The following RTN4 variants were observed in gnomAD, a reference collection of about 807,000 sequenced individuals.
The protein encoded by RTN4 is reticulon-4.
A neutral mutation model predicts 90.4 loss-of-function variants in RTN4; 32 were observed. That is an observed-to-expected ratio of 0.35 (90% CI 0.27 to 0.48). The LOEUF (loss-of-function observed/expected upper bound fraction) is 0.48, where lower values mean the gene tolerates loss of function less well. Among genes scored for constraint, RTN4 ranks in the 20% least tolerant of loss-of-function variants. The probability of loss-of-function intolerance (pLI) is 0.99; values close to 1 mark genes in which losing one functional copy is unlikely to be tolerated. For missense variants in RTN4, 1,706 were observed against 1,430.2 expected, an observed-to-expected ratio of 1.19 and a Z score of -3.11; for synonymous variants, 629 against 552.5, an observed-to-expected ratio of 1.14 and a Z score of -1.94.
At chr2:55,072,280 A>T (rs1390139604) in intron 2 of RTN4, among the ~76,000 whole-genome samples, 1 of 150,790 alleles carries the variant, frequency 6.6e-6, no homozygotes, top group Non-Finnish European at 1.5e-5. Context: ...CCCAGGCTGG[A>T]GTGCAGTGGC....
In RTN4 at chr2:55,026,981, C is replaced by G. The variant is rs748411506; in HGVS notation, c.1118G>C (p.Arg373Thr). 1.2e-6 allele frequency: 2 copies of G among 1,613,370 alleles called. No homozygotes were observed. Among genetic ancestry groups the G allele is most frequent in the African/African-American group, 1.3e-5 (1 of 75,012 alleles). Reference sequence around the variant, plus strand: ...CCTCATAGGAGCTTCCACTGCAACTCTCTTTTCATTAAAACTGTCTTTTGC... The same window carrying G: ...CCTCATAGGAGCTTCCACTGCAACTGTCTTTTCATTAAAACTGTCTTTTGC... The part of the protein sequence containing the change: ...EKAKDSFNEK[R>T]VAVEAPMREE... Residue 373 changes from arginine to threonine, a missense_variant, in exon 3 of 9, where the codon AGA becomes ACA. Physicochemically the swap from Arg to Thr is moderately conservative, Grantham distance 71. Coordinates refer to ENST00000337526, the MANE Select transcript of RTN4 (RefSeq NM_020532.5).
chr2:55,102,104 A>T (rs1275273546), intron 1 of RTN4, among the ~76,000 whole-genome samples: 1 of 152,122 alleles, frequency 6.6e-6, no homozygotes, highest in African/African-American at 2.4e-5. Context: ...ATGAGCACCA[A>T]ATTCCTTAAA....
At chr2:55,020,742 G>C (rs150698937) in intron 3 of RTN4, among the ~76,000 whole-genome samples, 253 of 152,264 alleles carry the variant, frequency 1.7e-3, no homozygotes, top group African/African-American at 5.8e-3. Flanking sequence ...AGTCCTGGAG[G>C]CTCACACCTG....
At chr2:55,061,146 A>T (rs908616961) in intron 2 of RTN4, among the ~76,000 whole-genome samples, 1 of 150,306 alleles carries the variant, frequency 6.7e-6, no homozygotes, top group African/African-American at 2.5e-5. Flanking sequence ...GTTCACTGCA[A>T]CCTCCGCCTC....
At chr2:55,014,703 G>A (rs1680903009) in intron 3 of RTN4, among the ~76,000 whole-genome samples, 1 of 152,032 alleles carries the variant, frequency 6.6e-6, no homozygotes, top group Admixed American at 6.6e-5. Flanking sequence ...TTTTAGTAGA[G>A]ACGAGGATTC....
chr2:55,041,080 A>G (rs1040464290), intron 1 of RTN4, among the ~76,000 whole-genome samples: 2 of 143,024 alleles, frequency 1.4e-5, no homozygotes, highest in African/African-American at 2.6e-5. Context: ...TCTCAACACA[A>G]TTTTTTTTTT....
intron 1 of RTN4, among the ~76,000 whole-genome samples, chr2:55,087,336 TTGA>T (rs1250423467): frequency 6.6e-6 from 1 of 152,254 alleles, no homozygotes; most frequent in East Asian, 1.9e-4. Flanking sequence ...CCACTAGCAG[TTGA>T]TGAGATTTCC....
chr2:55,033,840 G>A lies in RTN4; in HGVS notation c.557-5620C>T, dbSNP rs148319797. Among the ~76,000 whole-genome samples the A allele has an allele frequency of 9.7e-4, 148 of 152,216 alleles. 1 individual carries two copies. Among genetic ancestry groups the A allele is most frequent in the African/African-American group, 3.2e-3 (132 of 41,518 alleles). ...GTGTAATGATCAAGTCAGAGTGACT[G>A]GGTTATATATCACCTCAAACATTTT... On this transcript the variant is annotated intron_variant, in intron 1 of 8. Coordinates refer to ENST00000337526, the MANE Select transcript of RTN4 (RefSeq NM_020532.5).
upstream of RTN4, among the ~76,000 whole-genome samples, chr2:55,051,833 A>AT (rs1437748948): frequency 6.6e-6 from 1 of 152,216 alleles, no homozygotes. Flanking sequence ...ATATATTGGG[A>AT]TAAGTATAAT....
chr2:54,987,398 C>T, intron 4 of RTN4, 93 bp downstream of exon 4: 2 of 941,030 alleles, frequency 2.1e-6, no homozygotes, highest in Non-Finnish European at 3.4e-6. Context: ...CAAAAAAATG[C>T]ATGCTTGTAA....
intron 1 of RTN4, among the ~76,000 whole-genome samples, chr2:55,030,511 A>G (rs1446151326): frequency 6.6e-6 from 1 of 152,180 alleles, no homozygotes; most frequent in Non-Finnish European, 1.5e-5. Flanking sequence ...GCCTAAGTCC[A>G]AATCACAAAT....
At chr2:55,016,078 C>T (rs1183613331) in intron 3 of RTN4, among the ~76,000 whole-genome samples, 1 of 151,956 alleles carries the variant, frequency 6.6e-6, no homozygotes, top group South Asian at 2.1e-4. Flanking sequence ...TTATCAATAA[C>T]AAAGGAACAA....
chr2:55,046,220 A>G (rs1048333790), intron 1 of RTN4, among the ~76,000 whole-genome samples: 1 of 152,202 alleles, frequency 6.6e-6, no homozygotes, highest in African/African-American at 2.4e-5. Flanking sequence ...TCCTCTCAGT[A>G]GCCCTGAATC....
chr2:55,097,945 GC>G (rs1667778399), intron 1 of RTN4, among the ~76,000 whole-genome samples: 1 of 151,856 alleles, frequency 6.6e-6, no homozygotes, highest in Non-Finnish European at 1.5e-5. Flanking sequence ...CAGCACTCCC[GC>G]CCCTCCTCAT....
chr2:55,032,799 G>A (rs934958404), intron 1 of RTN4, among the ~76,000 whole-genome samples: 1 of 152,080 alleles, frequency 6.6e-6, no homozygotes, highest in African/African-American at 2.4e-5. Context: ...AGGCCAAAGT[G>A]GGAGGACCAC....
the RTN4 span, among the ~76,000 whole-genome samples, chr2:55,137,232 A>G: frequency 1.3e-5 from 2 of 152,230 alleles, no homozygotes; most frequent in African/African-American, 2.4e-5. Flanking sequence ...CCCCAGGGCA[A>G]GGCAGCTTCC....
intron 1 of RTN4, among the ~76,000 whole-genome samples, chr2:55,033,308 T>C (rs571351320): frequency 2.6e-5 from 4 of 152,180 alleles, no homozygotes; most frequent in Non-Finnish European, 5.9e-5. Context: ...TGAACGCCTT[T>C]AAAGTTATGA....
intron 3 of RTN4, among the ~76,000 whole-genome samples, chr2:55,002,767 C>A (rs1053614344): frequency 5.3e-5 from 8 of 152,124 alleles, no homozygotes; most frequent in African/African-American, 1.9e-4. Context: ...CTCTCCCTAC[C>A]TGCACTCACT....
intron 3 of RTN4, among the ~76,000 whole-genome samples, chr2:54,991,550 A>C (rs1312152301): frequency 6.6e-6 from 1 of 152,070 alleles, no homozygotes; most frequent in Non-Finnish European, 1.5e-5. Flanking sequence ...TTAATCTTCT[A>C]ATCTCTCTTT....
Sources: gnomAD v4.1 joint callset for allele counts (sites outside exome capture counted in the v4.1 genomes callset) on GRCh38, gnomAD v4.1.1 for gene constraint, MANE v1.5 for transcripts, NCBI Gene and HGNC (gene_info 2026-07-23, HGNC 2026-07-21) for gene names.